CADPS2: variants seen among roughly 807,000 people sequenced by gnomAD.
CADPS2 encodes the protein calcium dependent secretion activator 2, also known as calcium-dependent secretion activator 2.
A neutral mutation model predicts 172.5 loss-of-function variants in CADPS2; 93 were observed. The observed-to-expected ratio is 0.54, with a 90% confidence interval of 0.46 to 0.64. The LOEUF (loss-of-function observed/expected upper bound fraction) is 0.64, where lower values mean the gene tolerates loss of function less well. Among genes scored for constraint, CADPS2 ranks in the 30% least tolerant of loss-of-function variants. The pLI is 0.00. For synonymous variants in CADPS2, 546 were observed against 555.2 expected (o/e 0.98, Z 0.23); for missense variants, 1,420 against 1,565.9 (o/e 0.91, Z 1.57).
intron 1 of CADPS2, among the ~76,000 whole-genome samples, chr7:122,793,302 G>C (rs1795665233): frequency 6.6e-6 from 1 of 152,152 alleles, no homozygotes; most frequent in Non-Finnish European, 1.5e-5. Flanking sequence ...TTATGAATCT[G>C]GGTGCTTCCA....
intron 17 of CADPS2, among the ~76,000 whole-genome samples, chr7:122,434,193 G>GGT (rs1438812778): frequency 1.4e-4 from 22 of 152,144 alleles, no homozygotes; most frequent in Non-Finnish European, 2.9e-4. Context: ...TGTCATAAGA[G>GGT]GTGACAATCA....
At chr7:122,480,269 G>T in intron 12 of CADPS2, 1 of 260,692 alleles carries the variant, frequency 3.8e-6, no homozygotes. Flanking sequence ...AAAAGATAAG[G>T]TTGTCTTCCA....
At chr7:122,859,964 T>C (rs1054141205) in intron 1 of CADPS2, among the ~76,000 whole-genome samples, 2 of 152,114 alleles carry the variant, frequency 1.3e-5, no homozygotes, top group Admixed American at 6.6e-5. Flanking sequence ...TCCAGTAAAG[T>C]TGAAATGCAG....
intron 1 of CADPS2, among the ~76,000 whole-genome samples, chr7:122,862,812 A>T (rs952509483): frequency 1.3e-5 from 2 of 152,186 alleles, no homozygotes; most frequent in African/African-American, 2.4e-5. Flanking sequence ...AAATAAATAA[A>T]TACATGATCC....
At chr7:122,326,075 C>CAA (rs35635790) in intron 28 of CADPS2, among the ~76,000 whole-genome samples, 175 of 138,902 alleles carry the variant, frequency 1.3e-3, no homozygotes, top group East Asian at 6.6e-3. Flanking sequence ...GTAGCGATGG[C>CAA]AAAAAAAAAA....
chr7:122,509,974 C>A (rs2130763978), intron 9 of CADPS2, among the ~76,000 whole-genome samples: 1 of 152,206 alleles, frequency 6.6e-6, no homozygotes, highest in East Asian at 1.9e-4. Flanking sequence ...CTGGGACATA[C>A]ATTTTTGAAT....
chr7:122,610,096 T>C (rs1008052128), intron 6 of CADPS2, among the ~76,000 whole-genome samples: 6 of 151,960 alleles, frequency 3.9e-5, no homozygotes, highest in African/African-American at 1.5e-4. Context: ...ACAGAAAGGC[T>C]ATTTTAAATT....
At chr7:122,783,972 C>G (rs756093326) in intron 1 of CADPS2, among the ~76,000 whole-genome samples, 2 of 152,158 alleles carry the variant, frequency 1.3e-5, no homozygotes, top group Non-Finnish European at 2.9e-5. Context: ...AATATTTTTC[C>G]CACTAACCTG....
chr7:122,831,601 T>A, intron 1 of CADPS2, among the ~76,000 whole-genome samples: 2 of 152,282 alleles, frequency 1.3e-5, no homozygotes, highest in South Asian at 4.1e-4. Flanking sequence ...TTCCTGCCAA[T>A]AGAATTTCAA....
intron 6 of CADPS2, among the ~76,000 whole-genome samples, chr7:122,608,089 T>A (rs6944494): frequency 3.3e-5 from 5 of 151,752 alleles, no homozygotes; most frequent in African/African-American, 9.7e-5. Flanking sequence ...TGGTGGTGCA[T>A]GTCTGTAGTC....
At chr7:122,839,309 C>T (rs1055257998) in intron 1 of CADPS2, among the ~76,000 whole-genome samples, 5 of 151,966 alleles carry the variant, frequency 3.3e-5, no homozygotes, top group African/African-American at 7.3e-5. Flanking sequence ...AATGTTAGAC[C>T]TAAAACCATA....
Position 122,490,138 on chromosome 7 carries a change from T to C in CADPS2, c.1795A>G (p.Ile599Val), listed in dbSNP as rs2058157527. The C allele has an allele frequency of 1.2e-6, 2 of 1,613,432 alleles. No homozygotes were observed. Among genetic ancestry groups the C allele is most frequent in the East Asian group, 2.2e-5 (1 of 44,816 alleles). ...TTAGGATTCAGTTTCTGGGTTTGAATTGCAGGAACTGGTTTATATGATTGA... is the reference window on the plus strand; with the variant it reads ...TTAGGATTCAGTTTCTGGGTTTGAACTGCAGGAACTGGTTTATATGATTGA... ...TGQSYKPVPAIQTQKLNPKGG... is the reference protein window; with the variant it reads ...TGQSYKPVPAVQTQKLNPKGG... Residue 599 changes from isoleucine to valine, a missense_variant, in exon 11 of 30, where the codon ATT becomes GTT. Transcript: ENST00000449022.
chr7:122,788,661 C>T lies in CADPS2; in HGVS notation c.340-51593G>A, dbSNP rs939502973. Among the ~76,000 whole-genome samples the T allele has an allele frequency of 9.9e-5, 15 of 152,186 alleles. 1 individual carries two copies. The highest frequency in any genetic ancestry group is 8.5e-4 in the Admixed American group (13 of 15,266). On this transcript the variant is annotated intron_variant, in intron 1 of 29. Coordinates refer to ENST00000449022, the MANE Select transcript of CADPS2 (RefSeq NM_017954.11). ...TGTCATAAGTCAACAATCCTGCCTT[C>T]GTTGGACTATAGCTTTGAACCTGAT... is the stretch of plus-strand genomic sequence containing the variant.
chr7:122,750,910 C>T (rs1317657961), intron 1 of CADPS2, among the ~76,000 whole-genome samples: 1 of 152,090 alleles, frequency 6.6e-6, no homozygotes, highest in Non-Finnish European at 1.5e-5. Context: ...AAGAAATCTA[C>T]TAAAAGCTGA....
rs2092518396 is a variant in CADPS2 at position 122,742,212 on chromosome 7, G to A, written c.340-5144C>T. Among the ~76,000 whole-genome samples, 4 of 152,012 alleles carry A rather than the reference G, an allele frequency of 2.6e-5. No individual in the cohort carries two copies. In the South Asian group the frequency reaches 8.3e-4, roughly 32 times the overall value. On this transcript the variant is annotated intron_variant, in intron 1 of 29. Coordinates refer to ENST00000449022, the MANE Select transcript of CADPS2 (RefSeq NM_017954.11). ...TCGAGACCAGCGTGGCCAACGTGGTGAAACCCCGTCTCTACTAAAAAAAAA... is the reference window on the plus strand; with the variant it reads ...TCGAGACCAGCGTGGCCAACGTGGTAAAACCCCGTCTCTACTAAAAAAAAA...
intron 9 of CADPS2, among the ~76,000 whole-genome samples, chr7:122,500,801 T>C (rs1039314622): frequency 1.6e-4 from 24 of 152,198 alleles, no homozygotes; most frequent in African/African-American, 5.8e-4. Context: ...CACAAAAATA[T>C]CTGACTTATG....
intron 1 of CADPS2, among the ~76,000 whole-genome samples, chr7:122,878,751 T>C (rs16870879): frequency 0.017 from 2,594 of 151,964 alleles, 80 homozygotes; most frequent in African/African-American, 0.06. Flanking sequence ...AATAAACTTA[T>C]AGACATACAA....
At chr7:122,425,285 A>AT (rs907137390) in intron 17 of CADPS2, among the ~76,000 whole-genome samples, 2 of 151,826 alleles carry the variant, frequency 1.3e-5, no homozygotes, top group African/African-American at 2.4e-5. Flanking sequence ...TCAGCCATAC[A>AT]TTTTTTTAAA....
chr7:122,786,902 C>T (rs1227697795), intron 1 of CADPS2, among the ~76,000 whole-genome samples: 3 of 152,172 alleles, frequency 2.0e-5, no homozygotes, highest in Admixed American at 2.0e-4. Flanking sequence ...AAGCATCTTC[C>T]CACTAGAAAC....
Sources: gnomAD v4.1 joint callset for allele counts (sites outside exome capture counted in the v4.1 genomes callset) on GRCh38, gnomAD v4.1.1 for gene constraint, MANE v1.5 for transcripts, NCBI Gene and HGNC (gene_info 2026-07-23, HGNC 2026-07-21) for gene names.